The following EGFL7 variants were observed in gnomAD, a reference collection of about 807,000 sequenced individuals.
The protein encoded by EGFL7 is EGF like domain multiple 7.
Under a neutral mutation model 37.1 loss-of-function variants are expected in EGFL7, and 48 were observed. The ratio of observed to expected loss-of-function variants is 1.29; its 90% confidence interval spans 1.03 to 1.65. EGFL7 has a LOEUF of 1.65. EGFL7 is among the 40% of genes most tolerant of loss of function. The probability of loss-of-function intolerance (pLI) is 0.00; values close to 1 mark genes in which losing one functional copy is unlikely to be tolerated. For missense variants in EGFL7, 384 were observed against 378.9 expected, an observed-to-expected ratio of 1.01 and a Z score of -0.11; for synonymous variants, 180 against 156.8, an observed-to-expected ratio of 1.15 and a Z score of -1.10.
chr9:136,671,680 G>C (rs1845914657), intron 9 of EGFL7, among the ~76,000 whole-genome samples: 1 of 152,006 alleles, frequency 6.6e-6, no homozygotes, highest in Admixed American at 6.5e-5. Flanking sequence ...CAGTGGTCCA[G>C]CTGTCCCCCT....
intron 5 of EGFL7, among the ~76,000 whole-genome samples, chr9:136,669,011 A>G (rs1195588216): frequency 6.6e-6 from 1 of 152,056 alleles, no homozygotes. Context: ...CCTGGCTGCA[A>G]GTTCCCATAT....
At chr9:136,663,221 G>T (rs1191899536) in intron 1 of EGFL7, 113 bp downstream of exon 1, 1 of 152,418 alleles carries the variant, frequency 6.6e-6, no homozygotes, top group East Asian at 1.9e-4. Context: ...GCTCCCCAGC[G>T]AGGTCACAGG....
At chr9:136,668,182 T>C (rs1049050398) in intron 3 of EGFL7, 59 bp from the exon 4 acceptor site, 2 of 1,037,510 alleles carry the variant, frequency 1.9e-6, no homozygotes, top group Non-Finnish European at 2.8e-6. Flanking sequence ...AAGTGCAAAC[T>C]GCACCCGCGT....
upstream of EGFL7, among the ~76,000 whole-genome samples, chr9:136,662,440 G>A (rs1845205942): frequency 1.3e-5 from 2 of 152,214 alleles, no homozygotes; most frequent in African/African-American, 2.4e-5. Flanking sequence ...CACTGGTCAA[G>A]GCTCCTGTGT....
chr9:136,661,874 C>G (rs1019331374), upstream of EGFL7, among the ~76,000 whole-genome samples: 19 of 152,192 alleles, frequency 1.2e-4, no homozygotes, highest in African/African-American at 4.3e-4. Context: ...TCCCAGGCAT[C>G]AGGCCGACAG....
At chr9:136,661,546 C>T (rs933053029), upstream of EGFL7, among the ~76,000 whole-genome samples, 2 of 152,164 alleles carry the variant, frequency 1.3e-5, no homozygotes, top group African/African-American at 4.8e-5. Context: ...GGAGCGCCCC[C>T]TTAAACCAGC....
chr9:136,664,359 C>T (rs569841831), intron 2 of EGFL7, among the ~76,000 whole-genome samples: 5 of 152,324 alleles, frequency 3.3e-5, no homozygotes, highest in East Asian at 1.9e-4. Flanking sequence ...GTGGCCCTCT[C>T]GGACCCATCT....
At chr9:136,663,228 CAG>C (rs1248423626) in intron 1 of EGFL7, 120 bp downstream of exon 1, 1 of 152,404 alleles carries the variant, frequency 6.6e-6, no homozygotes, top group Non-Finnish European at 1.5e-5. Context: ...AGCGAGGTCA[CAG>C]GGGAGGGGTC....
rs951063765 is a variant in EGFL7, at chr9:136,666,990, C to T, written c.-42-1251C>T. On this transcript the variant is annotated intron_variant, in intron 3 of 10. Coordinates refer to ENST00000308874, the MANE Select transcript of EGFL7 (RefSeq NM_016215.5). The surrounding 1 kb of genome is among the most constrained non-coding windows in gnomAD (Gnocchi z 6.8). The stretch of plus-strand genomic sequence containing the variant: ...GCCTAGTTGGCAGCCTCTGCCCTGC[C>T]CTCCTCTCTCCAGCGCACAGAGGAC... 1.3e-4 allele frequency among the ~76,000 whole-genome samples: 20 copies of T among 152,254 alleles called. No homozygotes were observed. The highest frequency in any genetic ancestry group is 4.8e-4 in the African/African-American group (20 of 41,560).
chr9:136,662,406 C>A (rs746503927), upstream of EGFL7, among the ~76,000 whole-genome samples: 34 of 152,214 alleles, frequency 2.2e-4, no homozygotes, highest in Non-Finnish European at 4.4e-4. Context: ...CCCTTCCTGC[C>A]GGGCCTCGCC....
At chr9:136,658,992 G>T (rs1369461306), upstream of EGFL7, 2 of 152,220 alleles carry the variant, frequency 1.3e-5, no homozygotes, top group Non-Finnish European at 2.9e-5. Flanking sequence ...GGTCCCCCGG[G>T]CGACCCCCGA....
chr9:136,664,573 G>C (rs1845342846), intron 2 of EGFL7, 119 bp from the exon 3 acceptor site: 1 of 153,426 alleles, frequency 6.5e-6, no homozygotes, highest in Non-Finnish European at 1.4e-5. Flanking sequence ...TGTAGGCCTA[G>C]TGCAGGCGGA....
rs1845267759 is a variant in EGFL7 at position 136,663,429 on chromosome 9, CAA to C, written c.-329_-328del. 6.6e-6 allele frequency: 1 copy of C among 152,396 alleles called. No homozygotes were observed. The allele number at this position is 152,396 out of a possible 1,614,324, so 9.4% of individuals were successfully genotyped here. On this transcript the variant is annotated 5_prime_UTR_variant, in exon 2 of 11. It removes the in-frame stop codon of an upstream open reading frame in the 5' UTR. Coordinates refer to ENST00000308874, the MANE Select transcript of EGFL7 (RefSeq NM_016215.5). ...GCAGAGCAGCCCCTGTGGTTGGCAG[CAA>C]AGTTCAGCTTGGCTGGGCCCGCTGT...
In EGFL7 at chr9:136,664,540, G is replaced by A. The variant is rs1845340698; in HGVS notation, c.-136-152G>A. On this transcript the variant is annotated intron_variant, in intron 2 of 10. Transcript: ENST00000308874. ...AATCAGCTCAGGACAGGATGGGGTC[G>A]GGGTAGGTGCAGGACAGGGGCCTGT... 2.0e-5 allele frequency among the ~76,000 whole-genome samples: 3 copies of A among 152,348 alleles called. No individual in the cohort carries two copies. In the South Asian group the frequency reaches 6.2e-4, roughly 32 times the overall value.
chr9:136,671,999 G>C lies in EGFL7; in HGVS notation c.710G>C (p.Gly237Ala), dbSNP rs542067089. ...QALEHGLPDP[G>A]SLLVHSFQQL... ...CTGGAGCATGGGCTCCCGGACCCCG[G>C]CAGCCTCCTGGTGCACTCCTTCCAG... Residue 237 changes from glycine (G) to alanine (A), a missense_variant, in exon 10 of 11, where the codon GGC becomes GCC. Coordinates refer to ENST00000308874, the MANE Select transcript of EGFL7 (RefSeq NM_016215.5). The C allele has an allele frequency of 7.0e-5, 108 of 1,543,386 alleles. 2 individuals are homozygous for C. The Admixed American group carries it at 1.8e-3, about 26-fold the overall frequency.
intron 3 of EGFL7, chr9:136,665,710 G>C (rs1458993728): frequency 7.7e-6 from 1 of 129,130 alleles, no homozygotes; most frequent in Non-Finnish European, 1.7e-5. Flanking sequence ...GCGGGGCGGG[G>C]CCGCCAGGTG....
chr9:136,670,554 G>A (rs367827244), intron 8 of EGFL7: 13 of 794,380 alleles, frequency 1.6e-5, no homozygotes, highest in East Asian at 9.8e-5. Context: ...GCCCCGTCCC[G>A]GGGTCCTGTC....
chr9:136,670,478 T>C (rs1028519623), intron 8 of EGFL7, 148 bp downstream of exon 8: 4 of 1,070,912 alleles, frequency 3.7e-6, no homozygotes, highest in African/African-American at 1.6e-5. Context: ...GGAGGGAGGA[T>C]AGGTGGGTTC....
At chr9:136,669,788 T>C in intron 6 of EGFL7, 67 bp downstream of exon 6, 2 of 1,456,174 alleles carry the variant, frequency 1.4e-6, no homozygotes, top group Non-Finnish European at 1.9e-6. Context: ...CCAGCAACGC[T>C]CCTGCTGCTT....
Sources: gnomAD v4.1 joint callset for allele counts (sites outside exome capture counted in the v4.1 genomes callset) on GRCh38, gnomAD v4.1.1 for gene constraint, Gnocchi (gnomAD v3.1) non-coding constraint, MANE v1.5 for transcripts, NCBI Gene and HGNC (gene_info 2026-07-23, HGNC 2026-07-21) for gene names.